The following WDR7 variants were observed in gnomAD, a reference collection of about 807,000 sequenced individuals.
WDR7 encodes WD repeat domain 7, also known as WD repeat-containing protein 7.
WDR7 carries 46 observed loss-of-function variants against 169.4 expected under a neutral mutation model. The observed-to-expected ratio is 0.27, with a 90% confidence interval of 0.21 to 0.35. The LOEUF is 0.35. Among genes scored for constraint, WDR7 ranks in the 10% least tolerant of loss-of-function variants. The probability of loss-of-function intolerance (pLI) is 1.00; values close to 1 mark genes in which losing one functional copy is unlikely to be tolerated. For synonymous variants in WDR7, 612 were observed against 666.8 expected (o/e 0.92, Z 1.27); for missense variants, 1,534 against 1,859.3 (o/e 0.83, Z 3.22).
chr18:56,705,525 A>G (rs903942265), intron 12 of WDR7, among the ~76,000 whole-genome samples: 1 of 152,194 alleles, frequency 6.6e-6, no homozygotes, highest in African/African-American at 2.4e-5. Context: ...ATCATAAATG[A>G]TACATTAACA....
chr18:56,822,673 T>A (rs1381886499), intron 20 of WDR7, among the ~76,000 whole-genome samples: 1 of 152,210 alleles, frequency 6.6e-6, no homozygotes, highest in African/African-American at 2.4e-5. Flanking sequence ...GTAGTTTAGA[T>A]GTATGTGAAT....
At chr18:57,014,971 A>C (rs2048187333) in intron 26 of WDR7, among the ~76,000 whole-genome samples, 1 of 152,178 alleles carries the variant, frequency 6.6e-6, no homozygotes, top group Non-Finnish European at 1.5e-5. Context: ...ATCTCTACTG[A>C]GGCCAGGACC....
chr18:56,783,079 T>G (rs567160960), intron 19 of WDR7, among the ~76,000 whole-genome samples: 1 of 152,200 alleles, frequency 6.6e-6, no homozygotes, highest in East Asian at 1.9e-4. Flanking sequence ...CTTAATTGTT[T>G]GAGCAATAAA....
chr18:56,941,239 G>T (rs2047032093), intron 25 of WDR7, among the ~76,000 whole-genome samples: 1 of 152,106 alleles, frequency 6.6e-6, no homozygotes. Flanking sequence ...AATAAATGGA[G>T]TGCTTAATTC....
chr18:56,746,672 C>A (rs567581052), intron 14 of WDR7, among the ~76,000 whole-genome samples: 1 of 152,254 alleles, frequency 6.6e-6, no homozygotes, highest in African/African-American at 2.4e-5. Flanking sequence ...TCCTCTGGCA[C>A]TTGGATTATA....
intron 22 of WDR7, 43 bp downstream of exon 22, chr18:56,924,151 G>GT (rs755326315): frequency 2.3e-5 from 37 of 1,597,618 alleles, no homozygotes; most frequent in Non-Finnish European, 3.0e-5. Context: ...ACTGTTTTTT[G>GT]TTTTAGGGGT....
chr18:56,799,065 G>A (rs1378052493), intron 19 of WDR7, among the ~76,000 whole-genome samples: 2 of 152,076 alleles, frequency 1.3e-5, no homozygotes, highest in Non-Finnish European at 2.9e-5. Context: ...CTGTCTTCAT[G>A]GAGCTTATAG....
At chr18:56,837,571 G>T (rs1568223820) in intron 20 of WDR7, among the ~76,000 whole-genome samples, 1 of 152,272 alleles carries the variant, frequency 6.6e-6, no homozygotes, top group East Asian at 1.9e-4. Flanking sequence ...TGAAAACATA[G>T]CTTGGGAATT....
intron 26 of WDR7, among the ~76,000 whole-genome samples, chr18:56,993,404 TATA>T (rs2047845511): frequency 1.3e-5 from 2 of 152,226 alleles, no homozygotes; most frequent in South Asian, 4.1e-4. Flanking sequence ...TGCCATCTGC[TATA>T]ATGAGATGAG....
chr18:56,814,575 T>A (rs929582690), intron 19 of WDR7, among the ~76,000 whole-genome samples: 3 of 152,086 alleles, frequency 2.0e-5, no homozygotes, highest in African/African-American at 7.2e-5. Flanking sequence ...AGTGCTTCTG[T>A]AAGTTAAACA....
chr18:56,723,162 GT>G (rs1160566421), intron 13 of WDR7, among the ~76,000 whole-genome samples: 1 of 147,950 alleles, frequency 6.8e-6, no homozygotes, highest in Non-Finnish European at 1.5e-5. Context: ...CATCCATATT[GT>G]TTTCGTGATT....
chr18:56,797,260 G>A (rs1474491514), intron 19 of WDR7, among the ~76,000 whole-genome samples: 3 of 152,134 alleles, frequency 2.0e-5, no homozygotes, highest in Non-Finnish European at 4.4e-5. Flanking sequence ...TGTAGAAGGG[G>A]CCCCTGTGAG....
intron 19 of WDR7, 56 bp from the exon 20 acceptor site, chr18:56,815,975 G>A: frequency 7.1e-7 from 1 of 1,398,704 alleles, no homozygotes; most frequent in Non-Finnish European, 9.6e-7. Flanking sequence ...CAAACTTTCT[G>A]TTTGCTTTAC....
intron 7 of WDR7, among the ~76,000 whole-genome samples, chr18:56,687,881 G>GC (rs1007499395): frequency 6.6e-6 from 1 of 152,114 alleles, no homozygotes; most frequent in Non-Finnish European, 1.5e-5. Flanking sequence ...TCCTGCCTCA[G>GC]CCCCCCAAAG....
At chr18:56,845,964 T>TA (rs372123456) in intron 20 of WDR7, among the ~76,000 whole-genome samples, 11 of 152,320 alleles carry the variant, frequency 7.2e-5, no homozygotes, top group African/African-American at 2.6e-4. Flanking sequence ...CCTCAACACT[T>TA]ACGCATTTTT....
chr18:56,681,340 T>C lies in WDR7; in HGVS notation c.294T>C (p.Asp98=). The C allele has an allele frequency of 6.3e-7, 1 of 1,595,824 alleles. No individual in the cohort carries two copies. The highest frequency in any genetic ancestry group is 8.5e-7 in the Non-Finnish European group (1 of 1,175,152). ...SGEMCLWDVS[D]GRCIEFTKLA... is the part of the protein sequence containing the mutation. ...AGATGTGCCTCTGGGATGTGAGTGATGGCAGATGTATTGAATTTACAAAAT... is the reference window on the plus strand; with the variant it reads ...AGATGTGCCTCTGGGATGTGAGTGACGGCAGATGTATTGAATTTACAAAAT... Residue 98 remains aspartate, a synonymous_variant, in exon 4 of 28, where the codon GAT becomes GAC. Coordinates refer to ENST00000254442, the MANE Select transcript of WDR7 (RefSeq NM_015285.3).
At chr18:56,856,409 C>T (rs1362143148) in intron 20 of WDR7, among the ~76,000 whole-genome samples, 2 of 152,068 alleles carry the variant, frequency 1.3e-5, no homozygotes, top group Admixed American at 1.3e-4. Flanking sequence ...TAACACGTGC[C>T]TGTAATCCCA....
intron 19 of WDR7, chr18:56,781,903 AT>A (rs1206503855): frequency 3.5e-6 from 1 of 287,738 alleles, no homozygotes; most frequent in African/African-American, 2.2e-5. Context: ...TTATAAATGA[AT>A]TCCCCATCAA....
In WDR7 at chr18:56,933,163, C is replaced by T. The variant is rs754068792; in HGVS notation, c.3714-2625C>T. On this transcript the variant is annotated intron_variant, in intron 22 of 27. Transcript: ENST00000254442. ...TAGCACCTAGGGAGAAGTATATCCA[C>T]GGGGAGGGCAGACAGGTGCCCAGAG... Among the ~76,000 whole-genome samples, 6 of 152,228 alleles carry T rather than the reference C, an allele frequency of 3.9e-5. No individual in the cohort carries two copies. In the South Asian group the frequency reaches 8.3e-4, roughly 21 times the overall value.
Sources: allele counts gnomAD v4.1 joint callset (sites outside exome capture counted in the v4.1 genomes callset), GRCh38; gene constraint gnomAD v4.1.1; transcripts MANE v1.5; gene names NCBI Gene and HGNC (gene_info 2026-07-23, HGNC 2026-07-21).